Variants in INTS1 observed in about 807,000 individuals in gnomAD.
INTS1 encodes the protein integrator complex subunit 1.
Under a neutral mutation model 241.6 loss-of-function variants are expected in INTS1, and 137 were observed. The ratio of observed to expected loss-of-function variants is 0.57; its 90% CI spans 0.49 to 0.65. The LOEUF is 0.65. INTS1 is among the 30% of genes least tolerant of loss of function. INTS1 has a pLI of 0.00. For synonymous variants in INTS1, 1,692 were observed against 1,337.8 expected (o/e 1.26, Z -5.78); for missense variants, 3,073 against 3,032.2 (o/e 1.01, Z -0.32).
At chr7:1,473,782 G>A (rs781687267) in intron 41 of INTS1, 89 bp from the exon 42 acceptor site, 2 of 1,522,278 alleles carry the variant, frequency 1.3e-6, no homozygotes, top group Non-Finnish European at 1.8e-6. Context: ...GAGCCTCAGG[G>A]CATGGACCCC....
Position 1,480,422 on chromosome 7 carries a change from T to C in INTS1, c.3969A>G (p.Lys1323=). 6.2e-7 allele frequency: 1 copy of C among 1,613,426 alleles called. No homozygotes were observed. The highest frequency in any genetic ancestry group is 8.5e-7 in the Non-Finnish European group (1 of 1,179,670). The stretch of plus-strand genomic sequence containing the variant: ...TGGGCTGCTCTGGGCTGCTCTTTGG[T>C]TTGGGTGCCTCTGTGCTGTCTGCAG... ...PPRRDSTEAP[K]PKSSPEQPIG... Residue 1323 remains lysine (K), a synonymous_variant, in exon 30 of 48, where the codon AAA becomes AAG. Transcript: ENST00000404767.
In INTS1 at chr7:1,480,836, T is replaced by TCGG. The variant is rs750887187; in HGVS notation, c.3945_3947dup (p.Arg1316dup). 7.7e-6 allele frequency: 12 copies of TCGG among 1,549,264 alleles called. No individual in the cohort carries two copies. Among genetic ancestry groups the TCGG allele is most frequent in the Non-Finnish European group, 2.6e-6 (3 of 1,147,494 alleles). On this transcript the variant is annotated inframe_insertion and splice_region_variant, in exon 29 of 48. Transcript: ENST00000404767. ...GCTGGCCCCACCCCTCCCCAGTACC[T>TCGG]CGGCGGGGCGGCAGGGAGGCTGTGA...
At chr7:1,482,830 C>T (rs1408568091) in intron 26 of INTS1, 123 bp from the exon 27 acceptor site, 11 of 1,200,892 alleles carry the variant, frequency 9.2e-6, no homozygotes, top group South Asian at 4.3e-5. Flanking sequence ...GGGAGGAGCA[C>T]GGGGCTCCTG....
At chr7:1,479,114 C>T (rs1040461353) in intron 31 of INTS1, among the ~76,000 whole-genome samples, 7 of 152,334 alleles carry the variant, frequency 4.6e-5, no homozygotes, top group African/African-American at 1.2e-4. Context: ...GGCTCCCACG[C>T]GGTTCAAAGG....
In INTS1 at chr7:1,482,683, AGCGCCTGGAAC is replaced by A; in HGVS notation, c.3555_3565del (p.Glu1185AspfsTer29). The A allele has an allele frequency of 6.2e-7, 1 of 1,612,764 alleles. No homozygotes were observed. Among genetic ancestry groups the A allele is most frequent in the Non-Finnish European group, 8.5e-7 (1 of 1,179,854 alleles). On this transcript the variant is annotated frameshift_variant, in exon 27 of 48. Transcript: ENST00000404767. LOFTEE classifies it high-confidence loss of function. ...CTCCTCCGGAAACCAGATGTCCAGC[AGCGCCTGGAAC>A]TCGCTGTCGTCGGCTTCAGGAAGGA...
At chr7:1,486,590 A>G in intron 22 of INTS1, 35 bp downstream of exon 22, 1 of 1,598,208 alleles carries the variant, frequency 6.3e-7, no homozygotes, top group Non-Finnish European at 8.5e-7. Context: ...TTAAACATGA[A>G]GAGCGTGCGC....
intron 9 of INTS1, 24 bp from the exon 10 acceptor site, chr7:1,498,577 C>G (rs775521590): frequency 5.0e-6 from 8 of 1,612,192 alleles, no homozygotes; most frequent in South Asian, 3.3e-5. Flanking sequence ...GGGTACAGAC[C>G]CTGTCCCCGC....
At chr7:1,473,429 A>G in intron 42 of INTS1, 137 bp downstream of exon 42, 2 of 1,142,406 alleles carry the variant, frequency 1.8e-6, no homozygotes, top group Non-Finnish European at 2.5e-6. Context: ...CCCTGGGATG[A>G]GCACCACGCT....
At chr7:1,473,510 C>A (rs933239149) in intron 42 of INTS1, 56 bp downstream of exon 42, 1 of 1,546,406 alleles carries the variant, frequency 6.5e-7, no homozygotes, top group South Asian at 1.2e-5. Flanking sequence ...ACCCTCCAGA[C>A]CCCGCTGGAC....
chr7:1,499,669 C>G (rs368094429), intron 5 of INTS1, 37 bp from the exon 6 acceptor site: 6 of 1,563,474 alleles, frequency 3.8e-6, no homozygotes, highest in African/African-American at 2.7e-5. Context: ...CGAGCCCAGC[C>G]GGGCAGCAGC....
chr7:1,474,600 T>G, intron 40 of INTS1, 105 bp downstream of exon 40: 1 of 1,419,860 alleles, frequency 7.0e-7, no homozygotes, highest in Non-Finnish European at 9.4e-7. Context: ...GAACATGCTT[T>G]TTTTTGTTGT....
intron 26 of INTS1, chr7:1,483,300 G>A (rs1282063465): frequency 3.4e-6 from 1 of 293,018 alleles, no homozygotes; most frequent in African/African-American, 2.2e-5. Flanking sequence ...TAGGCGCTGG[G>A]TTCCAGACAC....
chr7:1,476,219 G>A lies in INTS1; in HGVS notation c.5378+10C>T, dbSNP rs940234839. On this transcript the variant is annotated intron_variant, in intron 38 of 47. Coordinates refer to ENST00000404767, the MANE Select transcript of INTS1 (RefSeq NM_001080453.3). Reference sequence around the variant, plus strand: ...CCCAGGCAGCATCTGGGGCCGGGGGGCCTGAGCACCTGTCTCCCCACTGCT... The same window carrying A: ...CCCAGGCAGCATCTGGGGCCGGGGGACCTGAGCACCTGTCTCCCCACTGCT... The A allele has an allele frequency of 7.8e-6, 12 of 1,546,834 alleles. No homozygotes were observed. Among genetic ancestry groups the A allele is most frequent in the African/African-American group, 5.5e-5 (4 of 73,214 alleles).
Position 1,497,240 on chromosome 7 carries a change from C to T in INTS1, c.1500G>A (p.Arg500=). The part of the protein sequence containing the change: ...DYLRASRALL[R]EIIKQTKHEI... ...CGTGCTTGGTCTGCTTGATGATCTC[C>T]CGCAGCAGGGCCCGCGAGGCCCGCA... Residue 500 remains arginine, a synonymous_variant, in exon 11 of 48, where the codon CGG becomes CGA. Transcript: ENST00000404767. This position sits in a 1 kb window ranked among gnomAD's most constrained non-coding sequence, Gnocchi z 5.3. 6.2e-7 allele frequency: 1 copy of T among 1,613,476 alleles called. No homozygotes were observed.
At chr7:1,502,086 C>G (rs945770140) in intron 3 of INTS1, among the ~76,000 whole-genome samples, 1 of 152,182 alleles carries the variant, frequency 6.6e-6, no homozygotes, top group African/African-American at 2.4e-5. Flanking sequence ...GCCCACAAGT[C>G]CCCTGGGTCC....
intron 16 of INTS1, among the ~76,000 whole-genome samples, chr7:1,492,445 G>C (rs1432098223): frequency 6.6e-6 from 1 of 152,164 alleles, no homozygotes; most frequent in Admixed American, 6.5e-5. Flanking sequence ...TGGGAGGAAT[G>C]AGGAGTGACA....
In INTS1 at chr7:1,470,500, C is replaced by T. The variant is rs534110255; in HGVS notation, c.*77G>A. On this transcript the variant is annotated 3_prime_UTR_variant, in exon 48 of 48. Coordinates refer to ENST00000404767, the MANE Select transcript of INTS1 (RefSeq NM_001080453.3). Reference sequence around the variant, plus strand: ...TCCTCGGACAGACCAGCAACGCCCACGCTTCCTGGGCTTTGCCTCGAGGAT... The same window carrying T: ...TCCTCGGACAGACCAGCAACGCCCATGCTTCCTGGGCTTTGCCTCGAGGAT... 102 of 1,168,216 alleles carry T rather than the reference C, an allele frequency of 8.7e-5. No homozygotes were observed. Among genetic ancestry groups the T allele is most frequent in the African/African-American group, 7.2e-4 (47 of 64,868 alleles). 72.4% of individuals were successfully genotyped at this position (1,168,216 alleles called of 1,614,324 possible).
At position 1,470,588 on chromosome 7, in the gene INTS1, C is replaced by G. The variant is rs1781410732; in HGVS notation, c.6562G>C (p.Ala2188Pro). The G allele has an allele frequency of 2.6e-6, 4 of 1,566,070 alleles. No homozygotes were observed. In the African/African-American group the frequency reaches 5.4e-5, roughly 21 times the overall value. The change falls in exon 48 of 48, where the codon GCC (alanine) becomes CCC (proline). Residue 2188 changes from alanine to proline, a missense_variant. By Grantham distance (27) the Ala-to-Pro change is conservative. Transcript: ENST00000404767. Reference protein sequence around the residue: ...SEALRILHMEAVM With the variant: ...SEALRILHMEPVM ...CGGCTGCCACAGGCTCACATCACGG[C>G]CTCCATATGCAGGATCCTCAGGGCC... is the stretch of plus-strand genomic sequence containing the variant.
chr7:1,489,815 C>T (rs1782461062), intron 16 of INTS1, 133 bp from the exon 17 acceptor site: 7 of 628,378 alleles, frequency 1.1e-5, no homozygotes, highest in Non-Finnish European at 1.9e-5. Context: ...CCTCCAGTGA[C>T]ACCTGTCCAA....
Sources: allele counts gnomAD v4.1 joint callset (sites outside exome capture counted in the v4.1 genomes callset), GRCh38; gene constraint gnomAD v4.1.1; non-coding constraint Gnocchi (gnomAD v3.1); transcripts MANE v1.5; gene names NCBI Gene and HGNC (gene_info 2026-07-23, HGNC 2026-07-21).